Variants in UGT1A7 observed in about 807,000 individuals in gnomAD.
UGT1A7 encodes UDP-glucuronosyltransferase 1A7.
A neutral mutation model predicts 45.6 loss-of-function variants in UGT1A7; 33 were observed. The observed-to-expected ratio is 0.72, with a 90% confidence interval of 0.55 to 0.97. The LOEUF is 0.97. UGT1A7 is among the 50% of genes least tolerant of loss of function. The pLI, the probability that UGT1A7 is intolerant of heterozygous loss-of-function variation, is 0.00. For missense variants in UGT1A7, 684 were observed against 666.2 expected, an observed-to-expected ratio of 1.03 and a Z score of -0.29; for synonymous variants, 274 against 250.6, an observed-to-expected ratio of 1.09 and a Z score of -0.88.
chr2:233,707,291 A>G (rs1422341109), intron 1 of UGT1A7, among the ~76,000 whole-genome samples: 1 of 152,142 alleles, frequency 6.6e-6, no homozygotes, highest in Non-Finnish European at 1.5e-5. Context: ...GCACACATGC[A>G]GGATGTGCAG....
chr2:233,744,926 T>C (rs1381342735), intron 1 of UGT1A7, among the ~76,000 whole-genome samples: 2 of 151,890 alleles, frequency 1.3e-5, no homozygotes, highest in East Asian at 1.9e-4. Context: ...GCTCCTTTTA[T>C]AAAATGACAC....
At chr2:233,738,536 G>A (rs919833416) in intron 1 of UGT1A7, among the ~76,000 whole-genome samples, 2 of 152,222 alleles carry the variant, frequency 1.3e-5, no homozygotes, top group Non-Finnish European at 2.9e-5. Context: ...TGAAGTCCAG[G>A]CTGAGTCTCA....
intron 1 of UGT1A7, among the ~76,000 whole-genome samples, chr2:233,710,769 A>T (rs1428591995): frequency 1.3e-5 from 2 of 152,168 alleles, no homozygotes; most frequent in Non-Finnish European, 2.9e-5. Context: ...TGATTAAGTC[A>T]ATTTTAGCAA....
chr2:233,758,249 A>C (rs1008368022), intron 1 of UGT1A7, among the ~76,000 whole-genome samples: 1 of 152,236 alleles, frequency 6.6e-6, no homozygotes, highest in African/African-American at 2.4e-5. Context: ...CCCACTATTC[A>C]GATTAGTAAG....
At chr2:233,725,615 T>C (rs572802204) in intron 1 of UGT1A7, among the ~76,000 whole-genome samples, 1 of 152,322 alleles carries the variant, frequency 6.6e-6, no homozygotes, top group African/African-American at 2.4e-5. Flanking sequence ...TCTTGCTAAG[T>C]CTTCAAAATC....
In UGT1A7 at chr2:233,768,235, G is replaced by A. The variant is rs374047963; in HGVS notation, c.1091G>A (p.Arg364His). ...QNDLLGHPMT[R>H]AFITHAGSHG... ...TGCATCTCAGGTCACCCGATGACCC[G>A]TGCCTTTATCACCCATGCTGGTTCC... Residue 364 changes from arginine (R) to histidine (H), a missense_variant, in exon 4 of 5, where the codon CGT becomes CAT. Physicochemically the swap from Arg to His is conservative, Grantham distance 29. Transcript: ENST00000373426. 3.8e-5 allele frequency: 62 copies of A among 1,614,018 alleles called. No homozygotes were observed. The highest frequency in any genetic ancestry group is 1.6e-4 in the Middle Eastern group (1 of 6,084).
rs758873309 is a variant in UGT1A7 at position 233,767,044 on chromosome 2, C to G, written c.866C>G (p.Ala289Gly). The G allele has an allele frequency of 6.2e-7, 1 of 1,613,874 alleles. No homozygotes were observed. Among genetic ancestry groups the G allele is most frequent in the African/African-American group, 1.3e-5 (1 of 74,880 alleles). ...QGKPVPMEFE[A>G]YINASGEHGI... is the part of the protein sequence containing the mutation. ...TTCTTCTGGCTCTAGGAATTTGAAG[C>G]CTACATTAATGCTTCTGGAGAACAT... The change falls in exon 2 of 5, where the codon GCC becomes GGC. Residue 289 changes from alanine to glycine, a missense_variant. Ala to Gly is a moderately conservative substitution (Grantham distance 60). Coordinates refer to ENST00000373426, the MANE Select transcript of UGT1A7 (RefSeq NM_019077.3).
chr2:233,755,205 G>A, intron 1 of UGT1A7: 1 of 1,079,938 alleles, frequency 9.3e-7, no homozygotes, highest in Non-Finnish European at 1.3e-6. Flanking sequence ...CTTGCGGTAC[G>A]CCTTCTTGAT....
At chr2:233,757,847 T>C (rs529889907) in intron 1 of UGT1A7, among the ~76,000 whole-genome samples, 12 of 152,082 alleles carry the variant, frequency 7.9e-5, no homozygotes, top group African/African-American at 2.7e-4. Context: ...CTAACTTATG[T>C]CTTCAGCTTA....
intron 1 of UGT1A7, among the ~76,000 whole-genome samples, chr2:233,738,616 G>A (rs1192038342): frequency 6.6e-6 from 1 of 152,208 alleles, no homozygotes; most frequent in Non-Finnish European, 1.5e-5. Context: ...AAAGAAACTC[G>A]TGGCATTTTT....
Position 233,683,554 on chromosome 2 carries a change from T to G in UGT1A7, c.855+762T>G, listed in dbSNP as rs574328995. Among the ~76,000 whole-genome samples the G allele has an allele frequency of 2.2e-3, 331 of 152,320 alleles. 2 individuals are homozygous for G. The highest frequency in any genetic ancestry group is 7.6e-3 in the African/African-American group (318 of 41,574). On this transcript the variant is annotated intron_variant, in intron 1 of 4. Transcript: ENST00000373426. Reference sequence around the variant, plus strand: ...TTTCACTAAATGAGTGAGATTGGCCTTCTTTTGCTATTACATCTTCCTACT... The same window carrying G: ...TTTCACTAAATGAGTGAGATTGGCCGTCTTTTGCTATTACATCTTCCTACT...
chr2:233,691,147 C>T, intron 1 of UGT1A7: 3 of 985,798 alleles, frequency 3.0e-6, no homozygotes, highest in Non-Finnish European at 3.6e-6. Context: ...ATGAACTGTT[C>T]TTTGAAGGAA....
intron 1 of UGT1A7, chr2:233,690,707 C>T: frequency 8.2e-7 from 1 of 1,225,470 alleles, no homozygotes; most frequent in Non-Finnish European, 1.0e-6. Context: ...TAGGGATCGT[C>T]ATTATGACGA....
chr2:233,721,842 C>T (rs2076975101), intron 1 of UGT1A7: 2 of 515,392 alleles, frequency 3.9e-6, no homozygotes, highest in African/African-American at 1.9e-5. Flanking sequence ...GACCTTGTGT[C>T]CAGCCCCACT....
intron 1 of UGT1A7, among the ~76,000 whole-genome samples, chr2:233,724,164 AC>A (rs1305793865): frequency 2.6e-4 from 26 of 101,282 alleles, no homozygotes; most frequent in African/African-American, 4.5e-4. Flanking sequence ...GGGGGGGCTG[AC>A]CCCCCCATCT....
chr2:233,769,855 C>G lies in UGT1A7; in HGVS notation c.1295+1416C>G. On this transcript the variant is annotated intron_variant, in intron 4 of 4. Transcript: ENST00000373426. The surrounding 1 kb of genome is among the most constrained non-coding windows in gnomAD (Gnocchi z 4.4). ...CCTGGGCAACAGAGTGAGACCCTGT[C>G]TCAAAAAAAAAAAAAAAAATGAAAA... is the stretch of plus-strand genomic sequence containing the variant. The G allele has an allele frequency of 2.7e-6, 1 of 372,080 alleles. No individual in the cohort carries two copies. The highest frequency in any genetic ancestry group is 7.2e-5 in the South Asian group (1 of 13,958). 23.0% of individuals were successfully genotyped at this position (372,080 alleles called of 1,614,324 possible).
chr2:233,757,077 A>G (rs1321535856), intron 1 of UGT1A7, among the ~76,000 whole-genome samples: 2 of 151,308 alleles, frequency 1.3e-5, no homozygotes, highest in Non-Finnish European at 2.9e-5. Context: ...CAGAATGGCT[A>G]GAGGGTAAGA....
rs1698334430 is a variant in UGT1A7 at position 233,763,527 on chromosome 2, C to G, written c.856-3507C>G. 2.6e-5 allele frequency among the ~76,000 whole-genome samples: 4 copies of G among 152,146 alleles called. No individual in the cohort carries two copies. In the South Asian group the frequency reaches 8.3e-4, roughly 31 times the overall value. The stretch of plus-strand genomic sequence containing the variant: ...ATGTTTAGTTGACTTTGCCATTCTC[C>G]TTTTTCCGGATTTCTACTGGTTGGT... On this transcript the variant is annotated intron_variant, in intron 1 of 4. Coordinates refer to ENST00000373426, the MANE Select transcript of UGT1A7 (RefSeq NM_019077.3).
chr2:233,719,514 G>T, intron 1 of UGT1A7: 1 of 1,613,922 alleles, frequency 6.2e-7, no homozygotes, highest in Non-Finnish European at 8.5e-7. Context: ...TGCCCCTTAT[G>T]CAAGTCTTGC....
Sources: gnomAD v4.1 joint callset for allele counts (sites outside exome capture counted in the v4.1 genomes callset) on GRCh38, gnomAD v4.1.1 for gene constraint, Gnocchi (gnomAD v3.1) non-coding constraint, MANE v1.5 for transcripts, NCBI Gene and HGNC (gene_info 2026-07-23, HGNC 2026-07-21) for gene names.